SPAG1: variants seen among roughly 807,000 people sequenced by gnomAD.
SPAG1 encodes the protein sperm associated antigen 1, also known as sperm-associated antigen 1.
A neutral mutation model predicts 100.5 loss-of-function variants in SPAG1; 69 were observed. That is an observed-to-expected ratio of 0.69 (90% CI 0.57 to 0.84). SPAG1 has a LOEUF of 0.84. Among genes scored for constraint, SPAG1 ranks in the 40% least tolerant of loss-of-function variants. The probability of loss-of-function intolerance (pLI) is 0.00; values close to 1 mark genes in which losing one functional copy is unlikely to be tolerated. For missense variants in SPAG1, 955 were observed against 1,133.1 expected, an observed-to-expected ratio of 0.84 and a Z score of 2.26; for synonymous variants, 336 against 411.6, an observed-to-expected ratio of 0.82 and a Z score of 2.22.
chr8:100,238,684 A>G (rs1001055981), intron 16 of SPAG1, among the ~76,000 whole-genome samples: 1 of 152,254 alleles, frequency 6.6e-6, no homozygotes, highest in Admixed American at 6.5e-5. Flanking sequence ...CAATTCGAAG[A>G]GTAAACAACC....
At chr8:100,183,895 G>T (rs933887833) in intron 5 of SPAG1, 61 bp from the exon 6 acceptor site, 6 of 772,014 alleles carry the variant, frequency 7.8e-6, no homozygotes, top group Non-Finnish European at 1.1e-5. Context: ...GAATATCAAT[G>T]ATAAATTTAT....
At chr8:100,192,463 T>C (rs1253743953) in intron 9 of SPAG1, among the ~76,000 whole-genome samples, 2 of 152,222 alleles carry the variant, frequency 1.3e-5, no homozygotes, top group Non-Finnish European at 1.5e-5. Flanking sequence ...ATGAATACTA[T>C]TTCTGTTTGC....
intron 8 of SPAG1, among the ~76,000 whole-genome samples, chr8:100,190,311 T>C (rs1816759975): frequency 7.9e-6 from 1 of 126,034 alleles, no homozygotes; most frequent in Non-Finnish European, 1.6e-5. Context: ...AGACTCTGTC[T>C]CAAAAAAAAA....
chr8:100,195,524 A>G (rs553649132), intron 10 of SPAG1, among the ~76,000 whole-genome samples: 3 of 152,318 alleles, frequency 2.0e-5, no homozygotes, highest in African/African-American at 7.2e-5. Flanking sequence ...GAAGGAAGAG[A>G]GAACATAAAA....
At chr8:100,209,008 A>T (rs1333056478) in intron 10 of SPAG1, among the ~76,000 whole-genome samples, 5 of 152,148 alleles carry the variant, frequency 3.3e-5, no homozygotes, top group Admixed American at 3.3e-4. Context: ...AAGGAGATTA[A>T]CATTTGAGTC....
chr8:100,240,038 T>C (rs1024988467), intron 17 of SPAG1, among the ~76,000 whole-genome samples: 7 of 152,166 alleles, frequency 4.6e-5, no homozygotes, highest in African/African-American at 1.7e-4. Flanking sequence ...TTTTTTCCTC[T>C]TTAAGGAGGG....
intron 9 of SPAG1, among the ~76,000 whole-genome samples, chr8:100,191,902 T>A (rs1816832981): frequency 6.6e-6 from 1 of 152,116 alleles, no homozygotes; most frequent in South Asian, 2.1e-4. Flanking sequence ...CTGACTCAGT[T>A]ATACACTTAG....
In SPAG1 at chr8:100,241,570, T is replaced by G. The variant is rs1409622683; in HGVS notation, c.*548T>G. On this transcript the variant is annotated 3_prime_UTR_variant, in exon 19 of 19. Transcript: ENST00000388798. This position sits in a 1 kb window ranked among gnomAD's most constrained non-coding sequence, Gnocchi z 5.1. ...ATTAATTTAGAGCTATAAGAGGAAC[T>G]TATTTTTTCTAATACGGAAGCATTG... is the stretch of plus-strand genomic sequence containing the variant. The G allele has an allele frequency of 6.6e-6, 1 of 152,218 alleles. No homozygotes were observed. The highest frequency in any genetic ancestry group is 1.5e-5 in the Non-Finnish European group (1 of 68,012). The allele number at this position is 152,218 out of a possible 1,614,324, so 9.4% of individuals were successfully genotyped here.
chr8:100,238,163 G>T (rs546846074), intron 16 of SPAG1, among the ~76,000 whole-genome samples: 19 of 152,294 alleles, frequency 1.2e-4, no homozygotes, highest in Non-Finnish European at 2.6e-4. Context: ...GAACGCTTAG[G>T]ATATAAATAC....
intron 12 of SPAG1, among the ~76,000 whole-genome samples, chr8:100,216,049 T>C (rs1406122073): frequency 1.3e-5 from 2 of 152,234 alleles, no homozygotes; most frequent in Non-Finnish European, 2.9e-5. Context: ...GTCAAGTTGA[T>C]ATTTTGAAAT....
In SPAG1 at chr8:100,178,629, C is replaced by T. The variant is rs574704816; in HGVS notation, c.426+688C>T. 5.8e-4 allele frequency among the ~76,000 whole-genome samples: 89 copies of T among 152,240 alleles called. No individual in the cohort carries two copies. In the Middle Eastern group the frequency reaches 0.014, roughly 23 times the overall value. ...TAGGTTAACTCATTCTTGTTATTCTCGTCTTTTCTTTGAATCAATTTTATT... is the reference window on the plus strand; with the variant it reads ...TAGGTTAACTCATTCTTGTTATTCTTGTCTTTTCTTTGAATCAATTTTATT... On this transcript the variant is annotated intron_variant, in intron 4 of 18. Transcript: ENST00000388798.
In SPAG1 at chr8:100,213,111, C is replaced by CCG. The variant is rs1166081612; in HGVS notation, c.1126_1127dup (p.Ala377ProfsTer14). 1 of 1,481,286 alleles carries CCG rather than the reference C, an allele frequency of 6.8e-7. No individual in the cohort carries two copies. Among genetic ancestry groups the CCG allele is most frequent in the Admixed American group, 2.3e-5 (1 of 42,600 alleles). The allele number at this position is 1,481,286 out of a possible 1,614,324, so 91.8% of individuals were successfully genotyped here. On this transcript the variant is annotated frameshift_variant, in exon 11 of 19. Transcript: ENST00000388798. LOFTEE classifies it high-confidence loss of function. ...ACAGAGCCCGCGGAGCCGGCGGGAGCCGCGCGCGCCGCCCAGCCGTGCGTC... is the reference window on the plus strand; with the variant it reads ...ACAGAGCCCGCGGAGCCGGCGGGAGCCGCGCGCGCGCCGCCCAGCCGTGCGTC...
At chr8:100,190,662 T>C (rs978166146) in intron 8 of SPAG1, among the ~76,000 whole-genome samples, 5 of 132,166 alleles carry the variant, frequency 3.8e-5, no homozygotes, top group Non-Finnish European at 8.0e-5. Context: ...ACTTTTTTTT[T>C]CTTTTTTTTT....
chr8:100,235,241 C>T (rs1818952637), intron 16 of SPAG1, among the ~76,000 whole-genome samples: 1 of 152,090 alleles, frequency 6.6e-6, no homozygotes, highest in African/African-American at 2.4e-5. Context: ...AAGACACAGT[C>T]ATCTTGGACT....
intron 9 of SPAG1, among the ~76,000 whole-genome samples, 198 bp downstream of exon 9, chr8:100,191,694 A>G (rs569108201): frequency 1.3e-5 from 2 of 152,288 alleles, no homozygotes; most frequent in East Asian, 1.9e-4. Context: ...TTTTTTTTCA[A>G]AACTATAAAC....
At chr8:100,223,339 T>A (rs956495962) in intron 13 of SPAG1, among the ~76,000 whole-genome samples, 2 of 152,206 alleles carry the variant, frequency 1.3e-5, no homozygotes, top group African/African-American at 4.8e-5. Context: ...GATTGTATTA[T>A]ATTTGTTATA....
Position 100,165,793 on chromosome 8 carries a change from ACT to A in SPAG1, c.141-20_141-19del. 1 of 1,599,134 alleles carries A rather than the reference ACT, an allele frequency of 6.3e-7. No homozygotes were observed. Among genetic ancestry groups the A allele is most frequent in the Non-Finnish European group, 8.5e-7 (1 of 1,172,064 alleles). On this transcript the variant is annotated intron_variant, in intron 2 of 18. Coordinates refer to ENST00000388798, the MANE Select transcript of SPAG1 (RefSeq NM_003114.5). The stretch of plus-strand genomic sequence containing the variant: ...TCCTAAATAAGGTGCTAACTCTAAA[ACT>A]TATTTATTTCTTTTTAAGATCTGGT...
chr8:100,204,591 C>A (rs1214510482), intron 10 of SPAG1, among the ~76,000 whole-genome samples: 2 of 151,992 alleles, frequency 1.3e-5, no homozygotes, highest in Non-Finnish European at 2.9e-5. Flanking sequence ...TGTGAGCCAG[C>A]TGGAAATGCC....
intron 3 of SPAG1, among the ~76,000 whole-genome samples, chr8:100,172,759 T>C (rs2453652): frequency 0.62 from 94,595 of 151,492 alleles, 29,870 homozygotes; most frequent in African/African-American, 0.71. Flanking sequence ...TTACTTTATT[T>C]TATTTATATT....
Sources: gnomAD v4.1 joint callset for allele counts (sites outside exome capture counted in the v4.1 genomes callset) on GRCh38, gnomAD v4.1.1 for gene constraint, Gnocchi (gnomAD v3.1) non-coding constraint, MANE v1.5 for transcripts, NCBI Gene and HGNC (gene_info 2026-07-23, HGNC 2026-07-21) for gene names.